The following SDCCAG8 variants were observed in gnomAD, a reference collection of about 807,000 sequenced individuals.
SDCCAG8 encodes the protein SHH signaling and ciliogenesis regulator SDCCAG8, also known as serologically defined colon cancer antigen 8.
A neutral mutation model predicts 101.8 loss-of-function variants in SDCCAG8; 74 were observed. The ratio of observed to expected loss-of-function variants is 0.73; its 90% CI spans 0.60 to 0.88. The LOEUF is 0.88. Ranked by LOEUF, SDCCAG8 falls within the 40% of genes least tolerant of loss-of-function variation. The pLI, the probability that SDCCAG8 is intolerant of heterozygous loss-of-function variation, is 0.00. For synonymous variants in SDCCAG8, 281 were observed against 292.9 expected (o/e 0.96, Z 0.41); for missense variants, 787 against 822.6 (o/e 0.96, Z 0.53).
intron 9 of SDCCAG8, among the ~76,000 whole-genome samples, chr1:243,322,669 G>A (rs2073849811): frequency 1.3e-5 from 2 of 152,086 alleles, no homozygotes; most frequent in South Asian, 2.1e-4. Context: ...CACTGAGGAA[G>A]GAAATTGCAA....
chr1:243,301,691 T>C (rs1025145269), intron 6 of SDCCAG8, among the ~76,000 whole-genome samples: 2 of 151,992 alleles, frequency 1.3e-5, no homozygotes, highest in Non-Finnish European at 2.9e-5. Context: ...TCATGGAAAA[T>C]GCAGATTTTA....
At chr1:243,382,527 A>G (rs973702398) in intron 13 of SDCCAG8, among the ~76,000 whole-genome samples, 11 of 152,336 alleles carry the variant, frequency 7.2e-5, no homozygotes, top group African/African-American at 2.6e-4. Context: ...GTATGGCACT[A>G]CCACACTTGA....
In SDCCAG8 at chr1:243,471,297, C is replaced by T. The variant is rs79745684; in HGVS notation, c.1986-17717C>T. Among the ~76,000 whole-genome samples, 478 of 152,302 alleles carry T rather than the reference C, an allele frequency of 3.1e-3. 2 individuals are homozygous for T. Among genetic ancestry groups the T allele is most frequent in the Non-Finnish European group, 4.7e-3 (319 of 68,032 alleles). ...CCTGCGAGCCCAGGAACAGCCTTGC[C>T]GCTGCTGGAGAGGCAATTGGCCCTC... On this transcript the variant is annotated intron_variant, in intron 16 of 17. Coordinates refer to ENST00000366541, the MANE Select transcript of SDCCAG8 (RefSeq NM_006642.5).
chr1:243,327,503 T>C (rs1323009398), intron 9 of SDCCAG8, among the ~76,000 whole-genome samples: 1 of 149,770 alleles, frequency 6.7e-6, no homozygotes. Context: ...TAATTTATAA[T>C]TTTGTAGAAA....
chr1:243,382,175 C>T (rs999041714), intron 13 of SDCCAG8, among the ~76,000 whole-genome samples: 15 of 152,130 alleles, frequency 9.9e-5, no homozygotes, highest in Non-Finnish European at 1.0e-4. Flanking sequence ...GGGCCATCTC[C>T]GGAGTTTCGC....
At chr1:243,300,406 A>G (rs1241062882) in intron 6 of SDCCAG8, among the ~76,000 whole-genome samples, 1 of 151,980 alleles carries the variant, frequency 6.6e-6, no homozygotes, top group East Asian at 1.9e-4. Flanking sequence ...TCTCTTACCT[A>G]TGTATTTGTA....
chr1:243,262,042 TC>T (rs1160206813), intron 1 of SDCCAG8, among the ~76,000 whole-genome samples: 1 of 151,832 alleles, frequency 6.6e-6, no homozygotes, highest in Non-Finnish European at 1.5e-5. Context: ...ACTCCCAACC[TC>T]AGGTGATCTG....
intron 16 of SDCCAG8, among the ~76,000 whole-genome samples, chr1:243,456,010 G>A (rs937344980): frequency 6.6e-6 from 1 of 152,220 alleles, no homozygotes; most frequent in African/African-American, 2.4e-5. Context: ...CAGGAGCAAG[G>A]ACTGTTGGCG....
intron 10 of SDCCAG8, among the ~76,000 whole-genome samples, chr1:243,335,051 A>G (rs536930685): frequency 6.6e-6 from 1 of 152,276 alleles, no homozygotes; most frequent in African/African-American, 2.4e-5. Flanking sequence ...TGCCTGGCAC[A>G]TTCCTCTCAT....
intron 16 of SDCCAG8, among the ~76,000 whole-genome samples, chr1:243,478,166 C>G (rs553366968): frequency 6.6e-6 from 1 of 152,326 alleles, no homozygotes; most frequent in East Asian, 1.9e-4. Context: ...TTCTCTCTCT[C>G]AGGGTCCTTC....
intron 16 of SDCCAG8, among the ~76,000 whole-genome samples, chr1:243,452,394 C>T (rs73120329): frequency 0.023 from 3,424 of 149,348 alleles, 87 homozygotes; most frequent in African/African-American, 0.051. Flanking sequence ...CTTCTCCCTA[C>T]CCTTGAGATG....
chr1:243,316,052 T>C (rs1235525756), intron 8 of SDCCAG8, among the ~76,000 whole-genome samples: 1 of 152,226 alleles, frequency 6.6e-6, no homozygotes, highest in East Asian at 1.9e-4. Flanking sequence ...ATTTTGGCAT[T>C]TGGTTCACTT....
intron 13 of SDCCAG8, among the ~76,000 whole-genome samples, chr1:243,383,585 A>T (rs2078090401): frequency 6.6e-6 from 1 of 152,148 alleles, no homozygotes; most frequent in Non-Finnish European, 1.5e-5. Context: ...CCACCACTTA[A>T]ATTCATTGTA....
At chr1:243,341,675 A>G (rs2075389168) in intron 11 of SDCCAG8, among the ~76,000 whole-genome samples, 1 of 152,160 alleles carries the variant, frequency 6.6e-6, no homozygotes, top group Admixed American at 6.5e-5. Context: ...CTAATACTAC[A>G]TGATCTTATT....
At chr1:243,313,426 T>C (rs900014233) in intron 8 of SDCCAG8, among the ~76,000 whole-genome samples, 21 of 152,208 alleles carry the variant, frequency 1.4e-4, no homozygotes, top group Non-Finnish European at 2.9e-5. Flanking sequence ...TCTCAGTCCT[T>C]TTGGCCCTGA....
chr1:243,362,293 G>A (rs900398230), intron 12 of SDCCAG8, among the ~76,000 whole-genome samples: 1 of 151,468 alleles, frequency 6.6e-6, no homozygotes, highest in African/African-American at 2.4e-5. Flanking sequence ...GTGAAGAGAC[G>A]GCCAAGTGAC....
At chr1:243,385,485 G>A (rs919022243) in intron 13 of SDCCAG8, among the ~76,000 whole-genome samples, 3 of 152,184 alleles carry the variant, frequency 2.0e-5, no homozygotes, top group Non-Finnish European at 4.4e-5. Flanking sequence ...AAGGATTACA[G>A]GGGGAGAGAC....
At chr1:243,368,044 T>C (rs993559792) in intron 12 of SDCCAG8, among the ~76,000 whole-genome samples, 6 of 151,268 alleles carry the variant, frequency 4.0e-5, no homozygotes, top group African/African-American at 1.5e-4. Context: ...CAAAACCCCG[T>C]CTCTACAAAA....
chr1:243,378,935 A>T, intron 13 of SDCCAG8, 72 bp downstream of exon 13: 1 of 1,577,522 alleles, frequency 6.3e-7, no homozygotes, highest in Non-Finnish European at 8.7e-7. Flanking sequence ...GCTTCCAAAC[A>T]GTTGTTAGAG....
Sources: allele counts gnomAD v4.1 joint callset (sites outside exome capture counted in the v4.1 genomes callset), GRCh38; gene constraint gnomAD v4.1.1; transcripts MANE v1.5; gene names NCBI Gene and HGNC (gene_info 2026-07-23, HGNC 2026-07-21).